Variants in PRR5L observed in about 807,000 individuals in gnomAD.
PRR5L encodes proline rich 5 like, also known as proline-rich protein 5-like.
PRR5L carries 21 observed loss-of-function variants against 36.4 expected under a neutral mutation model. The ratio of observed to expected loss-of-function variants is 0.58; its 90% confidence interval spans 0.41 to 0.83. PRR5L has a LOEUF of 0.83. PRR5L is among the 40% of genes least tolerant of loss of function. The pLI, the probability that PRR5L is intolerant of heterozygous loss-of-function variation, is 0.00. For missense variants in PRR5L, 381 were observed against 473.3 expected (o/e 0.80, Z 1.81); for synonymous variants, 188 against 197.0 (o/e 0.95, Z 0.38).
chr11:36,416,098 T>G (rs958434829), intron 3 of PRR5L, among the ~76,000 whole-genome samples: 1 of 152,250 alleles, frequency 6.6e-6, no homozygotes, highest in African/African-American at 2.4e-5. Context: ...AGAATTCCAT[T>G]GCCTGGATGA....
intron 5 of PRR5L, 79 bp downstream of exon 5, chr11:36,431,989 C>A: frequency 8.0e-7 from 1 of 1,249,362 alleles, no homozygotes; most frequent in Non-Finnish European, 1.2e-6. Flanking sequence ...ATGCTTCTGT[C>A]CAGAAGGGGC....
At chr11:36,316,276 T>A (rs1239270282) in intron 1 of PRR5L, among the ~76,000 whole-genome samples, 1 of 152,234 alleles carries the variant, frequency 6.6e-6, no homozygotes, top group East Asian at 1.9e-4. Context: ...CTGCTGGACA[T>A]GGCTGTGGTT....
chr11:36,307,550 G>A (rs1856448329), intron 1 of PRR5L, among the ~76,000 whole-genome samples: 1 of 152,088 alleles, frequency 6.6e-6, no homozygotes, highest in South Asian at 2.1e-4. Context: ...CAGAAATAGG[G>A]CACTAGCAAT....
intron 5 of PRR5L, among the ~76,000 whole-genome samples, chr11:36,432,212 TGGTGGTCACCTTTGAA>T (rs138573025): frequency 0.091 from 13,814 of 152,088 alleles, 686 homozygotes; most frequent in African/African-American, 0.14. Flanking sequence ...GGATGCAGGC[TGGTGGTCACCTTTGAA>T]GGTATAAGTT....
intron 7 of PRR5L, among the ~76,000 whole-genome samples, chr11:36,446,666 C>A (rs75069090): frequency 1.3e-3 from 191 of 152,296 alleles, no homozygotes; most frequent in East Asian, 6.4e-3. Flanking sequence ...CAGGACCACA[C>A]TGGGGAGTGA....
chr11:36,335,819 T>C (rs1019412111), intron 1 of PRR5L, among the ~76,000 whole-genome samples: 1 of 152,228 alleles, frequency 6.6e-6, no homozygotes, highest in African/African-American at 2.4e-5. Context: ...CGACTTTTCT[T>C]TATAAATATT....
intron 7 of PRR5L, among the ~76,000 whole-genome samples, chr11:36,447,978 C>G (rs186644083): frequency 1.3e-5 from 2 of 152,218 alleles, no homozygotes; most frequent in African/African-American, 2.4e-5. Flanking sequence ...AAGTTGGGCT[C>G]CCATCTTCCC....
At chr11:36,310,975 A>G (rs1008621145) in intron 1 of PRR5L, among the ~76,000 whole-genome samples, 3 of 140,440 alleles carry the variant, frequency 2.1e-5, no homozygotes, top group Non-Finnish European at 3.0e-5. Context: ...CTGCCTGGTG[A>G]CAGAGTGAGA....
intron 1 of PRR5L, among the ~76,000 whole-genome samples, chr11:36,358,412 C>G (rs1315093303): frequency 6.6e-6 from 1 of 152,178 alleles, no homozygotes; most frequent in Non-Finnish European, 1.5e-5. Flanking sequence ...GCAACACCCT[C>G]CACCAGCAAA....
At chr11:36,351,778 T>C (rs1421147219) in intron 1 of PRR5L, among the ~76,000 whole-genome samples, 2 of 28,364 alleles carry the variant, frequency 7.1e-5, no homozygotes, top group African/African-American at 3.2e-4. Flanking sequence ...TATATATATT[T>C]ATATATTTTT....
chr11:36,376,117 T>A (rs1017475086), intron 1 of PRR5L: 3 of 1,300,994 alleles, frequency 2.3e-6, no homozygotes, highest in African/African-American at 3.0e-5. Flanking sequence ...TTTTTTTTTT[T>A]AAGTCAAAAA....
At chr11:36,375,407 CA>C (rs776213438) in intron 1 of PRR5L, among the ~76,000 whole-genome samples, 1 of 152,118 alleles carries the variant, frequency 6.6e-6, no homozygotes, top group Non-Finnish European at 1.5e-5. Context: ...AGAACTTCTT[CA>C]ACCCGCTCTC....
chr11:36,427,272 A>G (rs1264184512), intron 4 of PRR5L, among the ~76,000 whole-genome samples: 4 of 151,980 alleles, frequency 2.6e-5, no homozygotes, highest in Admixed American at 2.6e-4. Context: ...ACTGTGTCCA[A>G]GTTCATTTAT....
chr11:36,387,227 T>C (rs1266308415), intron 1 of PRR5L, among the ~76,000 whole-genome samples: 4 of 151,964 alleles, frequency 2.6e-5, no homozygotes, highest in Admixed American at 2.6e-4. Context: ...ATGAGAACAC[T>C]TGGACACAGG....
intron 1 of PRR5L, chr11:36,381,606 A>C (rs547771575): frequency 6.6e-6 from 1 of 152,116 alleles, no homozygotes; most frequent in African/African-American, 2.4e-5. Flanking sequence ...AATTCTAAAT[A>C]CTTCTCTGGA....
At chr11:36,390,488 G>A (rs1857544257) in intron 1 of PRR5L, among the ~76,000 whole-genome samples, 1 of 152,184 alleles carries the variant, frequency 6.6e-6, no homozygotes, top group Admixed American at 6.5e-5. Context: ...GGACTGTTGG[G>A]TTCTAGTTCC....
At chr11:36,405,878 T>C (rs1302678265) in intron 3 of PRR5L, among the ~76,000 whole-genome samples, 4 of 152,196 alleles carry the variant, frequency 2.6e-5, no homozygotes, top group African/African-American at 9.6e-5. Flanking sequence ...AGCTCTCTGA[T>C]GTCCCTTATA....
chr11:36,343,164 G>T (rs559159787), intron 1 of PRR5L, among the ~76,000 whole-genome samples: 45 of 152,264 alleles, frequency 3.0e-4, no homozygotes, highest in Non-Finnish European at 5.0e-4. Flanking sequence ...TGTGTGATTT[G>T]TATCAGAATT....
At position 36,413,957 on chromosome 11, in the gene PRR5L, G is replaced by T. The variant is rs1035037834; in HGVS notation, c.246-5298G>T. On this transcript the variant is annotated intron_variant, in intron 3 of 8. Transcript: ENST00000530639. ...AATTCCCACCTATGAGTGAGAACAT[G>T]CGGTGTTTGGTTTTTTGTCCTTGTG... 4.1e-5 allele frequency among the ~76,000 whole-genome samples: 6 copies of T among 144,996 alleles called. No homozygotes were observed. The South Asian group carries it at 1.3e-3, about 32-fold the overall frequency.
Sources: gnomAD v4.1 joint callset for allele counts (sites outside exome capture counted in the v4.1 genomes callset) on GRCh38, gnomAD v4.1.1 for gene constraint, MANE v1.5 for transcripts, NCBI Gene and HGNC (gene_info 2026-07-23, HGNC 2026-07-21) for gene names.